The following ZFR variants were observed in gnomAD, a reference collection of about 807,000 sequenced individuals.
The protein encoded by ZFR is zinc finger RNA-binding protein.
A neutral mutation model predicts 130.7 loss-of-function variants in ZFR; 19 were observed. The observed-to-expected ratio is 0.15, with a 90% CI of 0.10 to 0.21. ZFR has a LOEUF of 0.21. Ranked by LOEUF, ZFR falls within the 10% of genes least tolerant of loss-of-function variation. The probability of loss-of-function intolerance (pLI) is 1.00; values close to 1 mark genes in which losing one functional copy is unlikely to be tolerated. For missense variants in ZFR, 872 were observed against 1,321.5 expected, an observed-to-expected ratio of 0.66 and a Z score of 5.27; for synonymous variants, 466 against 456.9, an observed-to-expected ratio of 1.02 and a Z score of -0.25.
In ZFR at chr5:32,404,021, C is replaced by T; in HGVS notation, c.1109G>A (p.Ser370Asn). Reference sequence around the variant, plus strand: ...AGTCCCACGAGTAGAACTGTTGCTGCTGCTGGTATTTTGTGAGGCTTTCAA... The same window carrying T: ...AGTCCCACGAGTAGAACTGTTGCTGTTGCTGGTATTTTGTGAGGCTTTCAA... Reference protein sequence around the residue: ...AALKASQNTSSSNSSTRGTQN... With the variant: ...AALKASQNTSNSNSSTRGTQN... Residue 370 changes from serine to asparagine, a missense_variant, in exon 7 of 20, where the codon AGC becomes AAC. Around this residue, in one of 7 missense-constraint regions of ZFR, gnomAD observed 31 missense variants for 21.8 expected, o/e 1.42. Transcript: ENST00000265069. 6.2e-7 allele frequency: 1 copy of T among 1,614,094 alleles called. No homozygotes were observed. The highest frequency in any genetic ancestry group is 1.1e-5 in the South Asian group (1 of 91,062).
intron 2 of ZFR, among the ~76,000 whole-genome samples, chr5:32,425,534 C>T (rs2432210): frequency 0.95 from 145,107 of 152,236 alleles, 69,216 homozygotes; most frequent in African/African-American, 0.98. Flanking sequence ...AATACTTTTA[C>T]TCTTTCTTTT....
At position 32,419,750 on chromosome 5, in the gene ZFR, G is replaced by C. The variant is rs552534372; in HGVS notation, c.420+71C>G. The C allele has an allele frequency of 5.3e-5, 79 of 1,503,818 alleles. No homozygotes were observed. In the African/African-American group the frequency reaches 9.9e-4, roughly 19 times the overall value. The allele number at this position is 1,503,818 out of a possible 1,614,324, so 93.2% of individuals were successfully genotyped here. On this transcript the variant is annotated intron_variant, in intron 3 of 19. Coordinates refer to ENST00000265069, the MANE Select transcript of ZFR (RefSeq NM_016107.5). ...CCCCAAGTTTGAGAAGCAATGGCTA[G>C]GGCATTACATTATACACTGAAGACA...
Position 32,399,989 on chromosome 5 carries a change from T to C in ZFR, c.1713+18A>G. On this transcript the variant is annotated intron_variant, in intron 9 of 19. Coordinates refer to ENST00000265069, the MANE Select transcript of ZFR (RefSeq NM_016107.5). ...CCTTTATCCAATTTCACAGCAATGG[T>C]ATTCTCAAATCAATTACCTCTTCCA... 1.3e-6 allele frequency: 2 copies of C among 1,581,012 alleles called. No homozygotes were observed. Among genetic ancestry groups the C allele is most frequent in the Non-Finnish European group, 1.7e-6 (2 of 1,162,868 alleles).
intron 4 of ZFR, among the ~76,000 whole-genome samples, chr5:32,415,827 A>C (rs1041418863): frequency 6.6e-6 from 1 of 152,200 alleles, no homozygotes; most frequent in African/African-American, 2.4e-5. Flanking sequence ...ATTTTGAAAG[A>C]GTCTTAGAAG....
chr5:32,361,777 C>T (rs1350032107), intron 19 of ZFR, among the ~76,000 whole-genome samples: 1 of 152,026 alleles, frequency 6.6e-6, no homozygotes, highest in Non-Finnish European at 1.5e-5. Flanking sequence ...CACATGCCAC[C>T]ACGCCCGGCT....
intron 2 of ZFR, among the ~76,000 whole-genome samples, chr5:32,438,058 C>A (rs73075534): frequency 0.011 from 1,684 of 152,108 alleles, 36 homozygotes; most frequent in African/African-American, 0.039. Context: ...CACTCATGAA[C>A]ACAGTCCATC....
At chr5:32,434,280 G>A (rs1328417471) in intron 2 of ZFR, among the ~76,000 whole-genome samples, 2 of 152,218 alleles carry the variant, frequency 1.3e-5, no homozygotes, top group African/African-American at 4.8e-5. Context: ...ATTATCAGCT[G>A]AAGACTTGTA....
intron 17 of ZFR, among the ~76,000 whole-genome samples, chr5:32,366,196 A>G (rs1752542817): frequency 6.6e-6 from 1 of 152,226 alleles, no homozygotes; most frequent in African/African-American, 2.4e-5. Context: ...AAAATAAACC[A>G]AGAGTAATAA....
intron 17 of ZFR, among the ~76,000 whole-genome samples, chr5:32,369,033 A>C (rs1752605163): frequency 6.6e-6 from 1 of 152,176 alleles, no homozygotes; most frequent in Admixed American, 6.5e-5. Context: ...TACTCACAGC[A>C]CTTTATTTTA....
chr5:32,379,200 T>C lies in ZFR; in HGVS notation c.2750A>G (p.Asn917Ser). The change falls in exon 17 of 20, where the codon AAT (asparagine) becomes AGT (serine). Residue 917 changes from asparagine (N) to serine (S), a missense_variant. This residue lies in a region of ZFR where 158 missense variants were observed against 264.0 expected (regional missense o/e 0.60). Coordinates refer to ENST00000265069, the MANE Select transcript of ZFR (RefSeq NM_016107.5). ...GATAATCACACAGGACTGCAGACCATTAGCTCTAGCCTTGAGAGCAACATA... is the reference window on the plus strand; with the variant it reads ...GATAATCACACAGGACTGCAGACCACTAGCTCTAGCCTTGAGAGCAACATA... ...RHAKWFQARA[N>S]GLQSCVIIIR... 6.2e-7 allele frequency: 1 copy of C among 1,613,846 alleles called. No individual in the cohort carries two copies. The highest frequency in any genetic ancestry group is 8.5e-7 in the Non-Finnish European group (1 of 1,179,830).
chr5:32,387,508 AC>A (rs1455812889), intron 14 of ZFR, 40 bp downstream of exon 14: 4 of 1,599,912 alleles, frequency 2.5e-6, no homozygotes, highest in Non-Finnish European at 3.4e-6. Context: ...AAACTTCTGA[AC>A]CAGACAAGGG....
chr5:32,428,540 A>G (rs576673948), intron 2 of ZFR, among the ~76,000 whole-genome samples: 2 of 152,366 alleles, frequency 1.3e-5, no homozygotes, highest in African/African-American at 4.8e-5. Flanking sequence ...CTGCACCACT[A>G]CACTTCAACC....
At chr5:32,409,658 G>A (rs775400026) in intron 5 of ZFR, among the ~76,000 whole-genome samples, 11 of 152,068 alleles carry the variant, frequency 7.2e-5, no homozygotes, top group Non-Finnish European at 1.2e-4. Context: ...CACCTACCTC[G>A]GCCTCTCCAA....
intron 19 of ZFR, among the ~76,000 whole-genome samples, chr5:32,360,636 T>C (rs1752411885): frequency 6.6e-6 from 1 of 151,702 alleles, no homozygotes; most frequent in South Asian, 2.1e-4. Flanking sequence ...TGAATATTTG[T>C]GTACAAGTTT....
Position 32,355,015 on chromosome 5 carries a change from T to A in ZFR, c.*745A>T, listed in dbSNP as rs1752275172. 1 of 152,250 alleles carries A rather than the reference T, an allele frequency of 6.6e-6. No individual in the cohort carries two copies. The highest frequency in any genetic ancestry group is 2.1e-4 in the South Asian group (1 of 4,838). 9.4% of individuals were successfully genotyped at this position (152,250 alleles called of 1,614,324 possible). On this transcript the variant is annotated 3_prime_UTR_variant, in exon 20 of 20. Coordinates refer to ENST00000265069, the MANE Select transcript of ZFR (RefSeq NM_016107.5). ...ATTAAAAACAAGAATGTCATGCATT[T>A]TTATTATCAATTATGCAGAGGCTTT...
intron 2 of ZFR, among the ~76,000 whole-genome samples, chr5:32,433,607 C>CATCT (rs1754267923): frequency 6.6e-6 from 1 of 152,144 alleles, no homozygotes. Context: ...AAGAGATGGC[C>CATCT]ATCTTCTTTA....
chr5:32,414,584 G>A (rs1753778253), intron 5 of ZFR, among the ~76,000 whole-genome samples: 1 of 152,138 alleles, frequency 6.6e-6, no homozygotes. Context: ...CTCTTCGAGA[G>A]CCAAAATAAA....
intron 17 of ZFR, among the ~76,000 whole-genome samples, chr5:32,369,269 T>G (rs891840074): frequency 5.9e-5 from 9 of 152,288 alleles, no homozygotes; most frequent in African/African-American, 1.9e-4. Flanking sequence ...ATTTTAGAAC[T>G]CTTTGTTGGT....
At chr5:32,414,748 C>T (rs1371313466) in intron 5 of ZFR, among the ~76,000 whole-genome samples, 1 of 152,072 alleles carries the variant, frequency 6.6e-6, no homozygotes, top group Non-Finnish European at 1.5e-5. Flanking sequence ...GCCTTAAAAC[C>T]CCCAAGAACA....
Sources: allele counts gnomAD v4.1 joint callset (sites outside exome capture counted in the v4.1 genomes callset), GRCh38; gene constraint gnomAD v4.1.1; regional missense constraint gnomAD v4.1.1; transcripts MANE v1.5; gene names NCBI Gene and HGNC (gene_info 2026-07-23, HGNC 2026-07-21).